Variants in FBXL4 observed in about 807,000 individuals in gnomAD.
FBXL4 encodes the protein F-box and leucine rich repeat protein 4.
A neutral mutation model predicts 58.9 loss-of-function variants in FBXL4; 40 were observed. The ratio of observed to expected loss-of-function variants is 0.68; its 90% confidence interval spans 0.53 to 0.88. The LOEUF (loss-of-function observed/expected upper bound fraction) is 0.88, where lower values mean the gene tolerates loss of function less well. FBXL4 is among the 40% of genes least tolerant of loss of function. FBXL4 has a pLI of 0.00. For missense variants in FBXL4, 676 were observed against 734.4 expected (o/e 0.92, Z 0.92); for synonymous variants, 263 against 265.5 (o/e 0.99, Z 0.09).
intron 1 of FBXL4, among the ~76,000 whole-genome samples, chr6:98,943,587 A>AAAAAG (rs2128414031): frequency 6.6e-6 from 1 of 151,308 alleles, no homozygotes; most frequent in East Asian, 1.9e-4. Flanking sequence ...CTCAAAAAAA[A>AAAAAG]AAAAAAAAAA....
At chr6:98,913,718 G>T (rs1460246021) in intron 5 of FBXL4, among the ~76,000 whole-genome samples, 1 of 152,192 alleles carries the variant, frequency 6.6e-6, no homozygotes, top group Non-Finnish European at 1.5e-5. Context: ...AAGCAGGAAA[G>T]ATCTAAAATT....
intron 2 of FBXL4, among the ~76,000 whole-genome samples, chr6:98,934,436 C>A (rs918169565): frequency 2.0e-5 from 3 of 151,578 alleles, no homozygotes; most frequent in Non-Finnish European, 4.4e-5. Context: ...AAGAGACAGG[C>A]CGTAATATAA....
intron 4 of FBXL4, among the ~76,000 whole-genome samples, chr6:98,922,126 C>T (rs1772606610): frequency 6.6e-6 from 1 of 152,184 alleles, no homozygotes; most frequent in Non-Finnish European, 1.5e-5. Flanking sequence ...CGGGGTTTCA[C>T]CATGTTGGCC....
chr6:98,922,657 T>C (rs1772627702), intron 4 of FBXL4, among the ~76,000 whole-genome samples: 1 of 152,194 alleles, frequency 6.6e-6, no homozygotes, highest in East Asian at 1.9e-4. Context: ...GCTTGAGTAA[T>C]CATTTCACAA....
At chr6:98,908,857 A>G (rs1368008210) in intron 5 of FBXL4, among the ~76,000 whole-genome samples, 1 of 152,100 alleles carries the variant, frequency 6.6e-6, no homozygotes, top group African/African-American at 2.4e-5. Flanking sequence ...TCCCATATCA[A>G]TAGTCCTCCA....
chr6:98,896,277 G>T (rs1302915918), intron 7 of FBXL4, among the ~76,000 whole-genome samples: 1 of 152,166 alleles, frequency 6.6e-6, no homozygotes, highest in Non-Finnish European at 1.5e-5. Context: ...AGGAGTGTGT[G>T]TATCAAAGGA....
intron 5 of FBXL4, among the ~76,000 whole-genome samples, chr6:98,909,726 T>G (rs968397711): frequency 6.6e-6 from 1 of 152,118 alleles, no homozygotes; most frequent in Non-Finnish European, 1.5e-5. Flanking sequence ...CAGTATCTCA[T>G]GCTCCTCTCT....
intron 2 of FBXL4, among the ~76,000 whole-genome samples, 197 bp from the exon 3 acceptor site, chr6:98,928,019 T>C (rs757030320): frequency 1.8e-4 from 28 of 152,222 alleles, no homozygotes; most frequent in Non-Finnish European, 3.8e-4. Flanking sequence ...ACGCTATCTA[T>C]AAAGAGGTTG....
At position 98,946,610 on chromosome 6, in the gene FBXL4, T is replaced by C. The variant is rs139185161; in HGVS notation, c.-309+1196A>G. Among the ~76,000 whole-genome samples, 6 of 152,320 alleles carry C rather than the reference T, an allele frequency of 3.9e-5. No individual in the cohort carries two copies. The East Asian group carries it at 7.7e-4, about 20-fold the overall frequency. The stretch of plus-strand genomic sequence containing the variant: ...TTCATCACGGCGTGAGTAAAGAAAT[T>C]ATCCATCTTACAATGAGTTGACTTA... On this transcript the variant is annotated intron_variant, in intron 1 of 9. Transcript: ENST00000369244.
chr6:98,938,942 G>A (rs1443444159), intron 1 of FBXL4, among the ~76,000 whole-genome samples: 1 of 151,830 alleles, frequency 6.6e-6, no homozygotes, highest in Non-Finnish European at 1.5e-5. Context: ...TAAAAAATTA[G>A]CTAAGTGTGG....
intron 7 of FBXL4, among the ~76,000 whole-genome samples, chr6:98,891,971 G>A (rs1241814419): frequency 1.3e-5 from 2 of 151,986 alleles, no homozygotes; most frequent in Non-Finnish European, 2.9e-5. Flanking sequence ...CACAAGTTAG[G>A]CTTCTTGACT....
At chr6:98,908,761 C>A (rs1406762187) in intron 5 of FBXL4, among the ~76,000 whole-genome samples, 1 of 151,872 alleles carries the variant, frequency 6.6e-6, no homozygotes, top group African/African-American at 2.4e-5. Context: ...ATAACACTTT[C>A]CCAGGGGAGT....
chr6:98,911,862 A>G (rs1411273831), intron 5 of FBXL4, among the ~76,000 whole-genome samples: 1 of 152,260 alleles, frequency 6.6e-6, no homozygotes, highest in African/African-American at 2.4e-5. Context: ...AAGGTTTCAG[A>G]CGATCAAACT....
intron 2 of FBXL4, among the ~76,000 whole-genome samples, chr6:98,931,930 G>A (rs1386500683): frequency 1.3e-5 from 2 of 152,206 alleles, no homozygotes; most frequent in Non-Finnish European, 2.9e-5. Flanking sequence ...AGGCATGGAG[G>A]CAATTTGTGG....
chr6:98,917,392 A>G lies in FBXL4; in HGVS notation c.840T>C (p.Phe280=). ...VLGEGPNNGY[F]DKLPYELIQL... is the part of the protein sequence containing the mutation. ...GGCTTACCTCATAAGGTAGTTTATC[A>G]AAATACCCATTATTTGGCCCTTCCC... Residue 280 remains phenylalanine, a synonymous_variant, in exon 5 of 10, where the codon TTT becomes TTC. Transcript: ENST00000369244. 4 of 1,606,890 alleles carry G rather than the reference A, an allele frequency of 2.5e-6. No individual in the cohort carries two copies. The highest frequency in any genetic ancestry group is 3.4e-6 in the Non-Finnish European group (4 of 1,176,222).
intron 8 of FBXL4, among the ~76,000 whole-genome samples, chr6:98,877,158 T>C (rs997908681): frequency 2.6e-5 from 4 of 152,052 alleles, no homozygotes; most frequent in South Asian, 4.1e-4. Flanking sequence ...AGATTAGATA[T>C]AGAGGTAATG....
At chr6:98,943,780 CAG>C (rs1491586786) in intron 1 of FBXL4, among the ~76,000 whole-genome samples, 5 of 151,994 alleles carry the variant, frequency 3.3e-5, no homozygotes, top group Non-Finnish European at 7.4e-5. Flanking sequence ...ACAAAACTGA[CAG>C]AGAGGCAAAA....
chr6:98,942,608 T>G (rs1773474784), intron 1 of FBXL4, among the ~76,000 whole-genome samples: 1 of 152,104 alleles, frequency 6.6e-6, no homozygotes, highest in Non-Finnish European at 1.5e-5. Flanking sequence ...GATTGTAAAT[T>G]TCCTGAGGCC....
intron 7 of FBXL4, among the ~76,000 whole-genome samples, chr6:98,887,053 A>C (rs1771064992): frequency 6.6e-6 from 1 of 152,178 alleles, no homozygotes; most frequent in African/African-American, 2.4e-5. Flanking sequence ...TTTCAAAACC[A>C]GCCTGGGCAA....
Sources: gnomAD v4.1 joint callset for allele counts (sites outside exome capture counted in the v4.1 genomes callset) on GRCh38, gnomAD v4.1.1 for gene constraint, MANE v1.5 for transcripts, NCBI Gene and HGNC (gene_info 2026-07-23, HGNC 2026-07-21) for gene names.